Variants in KLHL7 observed in about 807,000 individuals in gnomAD.
KLHL7 encodes kelch like family member 7.
In KLHL7, 44 loss-of-function variants were observed where a neutral mutation model predicts 67.4. That is an observed-to-expected ratio of 0.65 (90% CI 0.51 to 0.84). The LOEUF (loss-of-function observed/expected upper bound fraction) is 0.84. Among genes scored for constraint, KLHL7 ranks in the 40% least tolerant of loss-of-function variants. The pLI is 0.00. For synonymous variants in KLHL7, 252 were observed against 243.3 expected (o/e 1.04, Z -0.33); for missense variants, 362 against 718.1 (o/e 0.50, Z 5.67).
chr7:23,125,711 G>A, intron 4 of KLHL7: 1 of 1,450,274 alleles, frequency 6.9e-7, no homozygotes, highest in Middle Eastern at 1.8e-4. Context: ...CTGAGGGACT[G>A]CTATAGCCAT....
intron 1 of KLHL7, among the ~76,000 whole-genome samples, chr7:23,107,567 T>C (rs1217918140): frequency 6.6e-6 from 1 of 152,256 alleles, no homozygotes; most frequent in African/African-American, 2.4e-5. Context: ...CAGAGGATTA[T>C]CTGAGACTGT....
chr7:23,130,270 A>G (rs578243244), intron 4 of KLHL7, among the ~76,000 whole-genome samples: 1 of 152,218 alleles, frequency 6.6e-6, no homozygotes, highest in African/African-American at 2.4e-5. Context: ...ATATCTCATA[A>G]GTTTTTGCAT....
At chr7:23,165,616 GT>G in intron 7 of KLHL7, 81 bp from the exon 8 acceptor site, 3 of 1,459,114 alleles carry the variant, frequency 2.1e-6, no homozygotes, top group Non-Finnish European at 2.9e-6. Flanking sequence ...ATTCTTATAT[GT>G]TTTTTGACTG....
At chr7:23,106,308 G>A in intron 1 of KLHL7, 162 bp downstream of exon 1, 1 of 1,489,676 alleles carries the variant, frequency 6.7e-7, no homozygotes, top group East Asian at 2.5e-5. Context: ...AGTTGGTAGA[G>A]GGGCGCGTAA....
At chr7:23,151,916 T>A in intron 6 of KLHL7, 151 bp from the exon 7 acceptor site, 1 of 731,038 alleles carries the variant, frequency 1.4e-6, no homozygotes, top group Middle Eastern at 2.6e-4. Context: ...GCATTTCTCC[T>A]GCCTCTTCCC....
Position 23,168,008 on chromosome 7 carries a change from C to A in KLHL7, c.1350C>A (p.Ser450=). 6.2e-7 allele frequency: 1 copy of A among 1,614,174 alleles called. No homozygotes were observed. Among genetic ancestry groups the A allele is most frequent in the Non-Finnish European group, 8.5e-7 (1 of 1,180,008 alleles). The part of the protein sequence containing the change: ...GNNVSGRVLN[S]CEVYDPATET... The stretch of plus-strand genomic sequence containing the variant: ...ATGTTTCTGGGAGAGTGCTTAATTC[C>A]TGTGAAGTTTATGATCCTGCCACAG... Residue 450 remains serine, a synonymous_variant, in exon 9 of 11, where the codon TCC becomes TCA. Coordinates refer to ENST00000339077, the MANE Select transcript of KLHL7 (RefSeq NM_001031710.3).
chr7:23,126,645 T>A (rs1352281685), intron 4 of KLHL7, among the ~76,000 whole-genome samples: 1 of 152,186 alleles, frequency 6.6e-6, no homozygotes, highest in African/African-American at 2.4e-5. Context: ...TTTGTAGGCT[T>A]TCCTCCTTCC....
intron 10 of KLHL7, 94 bp downstream of exon 10, chr7:23,173,139 A>G (rs1249540035): frequency 1.7e-5 from 14 of 818,426 alleles, no homozygotes; most frequent in Admixed American, 3.5e-5. Flanking sequence ...AGATAGAAGC[A>G]TTTACCATGT....
Position 23,163,316 on chromosome 7 carries a change from G to T in KLHL7, c.937-2382G>T, listed in dbSNP as rs148754818. Among the ~76,000 whole-genome samples, 1,146 of 152,106 alleles carry T rather than the reference G, an allele frequency of 7.5e-3. 14 individuals are homozygous for T. Among genetic ancestry groups the T allele is most frequent in the African/African-American group, 0.026 (1,079 of 41,496 alleles). ...CTCCCGAGTAGCAGGGATTACACGT[G>T]CCTGCCACCATGCCCGGCTAATTTT... On this transcript the variant is annotated intron_variant, in intron 7 of 10. Transcript: ENST00000339077.
chr7:23,137,006 C>T (rs181652325), intron 4 of KLHL7, among the ~76,000 whole-genome samples: 5 of 152,122 alleles, frequency 3.3e-5, no homozygotes, highest in Admixed American at 3.3e-4. Flanking sequence ...TAGATTAGGC[C>T]AGGTGCAGTG....
chr7:23,147,048 T>A (rs1165069921), intron 6 of KLHL7, among the ~76,000 whole-genome samples: 1 of 152,054 alleles, frequency 6.6e-6, no homozygotes, highest in Non-Finnish European at 1.5e-5. Context: ...TTGTTGTCAT[T>A]GTAAATTGTA....
rs1785263500 is a variant in KLHL7 at position 23,174,953 on chromosome 7, GTAAAGCT to G, written c.*658_*664del. 2.2e-6 allele frequency: 1 copy of G among 453,440 alleles called. No homozygotes were observed. The highest frequency in any genetic ancestry group is 4.4e-6 in the Non-Finnish European group (1 of 226,410). The allele number at this position is 453,440 out of a possible 1,614,324, so 28.1% of individuals were successfully genotyped here. A position where few individuals can be genotyped will look rare whatever the true frequency, so the allele number is the denominator to read the frequency against. On this transcript the variant is annotated 3_prime_UTR_variant, in exon 11 of 11. Transcript: ENST00000339077. ...ATATTCCATCTTTTTAACATAAAAT[GTAAAGCT>G]TAGCACCCATCATTAATTTATGTCT...
intron 6 of KLHL7, among the ~76,000 whole-genome samples, chr7:23,149,929 T>A (rs1043083271): frequency 2.0e-5 from 3 of 152,216 alleles, no homozygotes; most frequent in African/African-American, 7.2e-5. Context: ...ATTCTCCAAA[T>A]GAGTTTTCTT....
intron 7 of KLHL7, among the ~76,000 whole-genome samples, chr7:23,156,734 T>A (rs186206895): frequency 6.6e-6 from 1 of 152,206 alleles, no homozygotes. Context: ...TTCATGGAAC[T>A]ACCAGGTTCA....
chr7:23,142,824 T>G (rs1784232649), intron 5 of KLHL7, among the ~76,000 whole-genome samples: 1 of 152,212 alleles, frequency 6.6e-6, no homozygotes, highest in Non-Finnish European at 1.5e-5. Context: ...GTTTAATGAC[T>G]ACATGTAATA....
intron 7 of KLHL7, among the ~76,000 whole-genome samples, chr7:23,161,695 G>C (rs895056492): frequency 6.6e-6 from 1 of 152,196 alleles, no homozygotes; most frequent in Non-Finnish European, 1.5e-5. Context: ...GCCAGCTGGA[G>C]CCAGTGTAAC....
intron 7 of KLHL7, among the ~76,000 whole-genome samples, chr7:23,155,051 A>C (rs1372577142): frequency 1.3e-5 from 2 of 152,350 alleles, no homozygotes; most frequent in South Asian, 4.1e-4. Context: ...TAGATTTGTT[A>C]ATCACCATCA....
intron 9 of KLHL7, among the ~76,000 whole-genome samples, chr7:23,172,445 G>C (rs1360917465): frequency 6.6e-6 from 1 of 151,888 alleles, no homozygotes; most frequent in African/African-American, 2.4e-5. Flanking sequence ...AGATGGACAT[G>C]TGAATAGTAA....
intron 8 of KLHL7, 47 bp downstream of exon 8, chr7:23,165,985 C>G: frequency 1.2e-6 from 2 of 1,603,320 alleles, no homozygotes; most frequent in Non-Finnish European, 8.5e-7. Context: ...GCTTTAAAGC[C>G]AAGTATCTTG....
Sources: gnomAD v4.1 joint callset for allele counts (sites outside exome capture counted in the v4.1 genomes callset) on GRCh38, gnomAD v4.1.1 for gene constraint, MANE v1.5 for transcripts, NCBI Gene and HGNC (gene_info 2026-07-23, HGNC 2026-07-21) for gene names.